The following CAPZA2 variants were observed in gnomAD, a reference collection of about 807,000 sequenced individuals.
CAPZA2 encodes the protein F-actin-capping protein subunit alpha-2.
Under a neutral mutation model 44.0 loss-of-function variants are expected in CAPZA2, and 13 were observed. The observed-to-expected ratio is 0.30, with a 90% CI of 0.19 to 0.47. CAPZA2 has a LOEUF of 0.47. Ranked by LOEUF, CAPZA2 falls within the 20% of genes least tolerant of loss-of-function variation. The pLI, the probability that CAPZA2 is intolerant of heterozygous loss-of-function variation, is 1.00. For missense variants in CAPZA2, 244 were observed against 338.6 expected, an observed-to-expected ratio of 0.72 and a Z score of 2.19; for synonymous variants, 94 against 108.2, an observed-to-expected ratio of 0.87 and a Z score of 0.81.
intron 9 of CAPZA2, among the ~76,000 whole-genome samples, chr7:116,917,316 G>A (rs1369839762): frequency 6.6e-6 from 1 of 152,022 alleles, no homozygotes; most frequent in African/African-American, 2.4e-5. Context: ...GTGCAGTGGC[G>A]CGATCTCGCC....
At position 116,916,125 on chromosome 7, in the gene CAPZA2, A is replaced by G; in HGVS notation, c.720+3A>G. The G allele has an allele frequency of 6.5e-7, 1 of 1,535,448 alleles. No individual in the cohort carries two copies. On this transcript the variant is annotated splice_donor_region_variant and intron_variant, in intron 9 of 9. Transcript: ENST00000361183. ...AAGCTGCAGAAAATGAATACCAGGT[A>G]TGATTTTTTAAATATTATATAAGCT...
intron 1 of CAPZA2, among the ~76,000 whole-genome samples, chr7:116,887,704 G>A (rs1002606396): frequency 1.3e-5 from 2 of 152,176 alleles, no homozygotes; most frequent in Non-Finnish European, 2.9e-5. Flanking sequence ...ATGGCGGCAC[G>A]CGCCTGTAGT....
intron 1 of CAPZA2, among the ~76,000 whole-genome samples, chr7:116,886,457 T>G (rs1231387495): frequency 6.6e-6 from 1 of 152,224 alleles, no homozygotes; most frequent in African/African-American, 2.4e-5. Context: ...GTATCTGTGC[T>G]TAGATACATG....
intron 1 of CAPZA2, among the ~76,000 whole-genome samples, chr7:116,866,887 G>C (rs1290342236): frequency 6.6e-6 from 1 of 152,284 alleles, no homozygotes; most frequent in South Asian, 2.1e-4. Context: ...AGCTTGCCTA[G>C]AAGTAAATTT....
At chr7:116,866,162 A>C (rs1309054817) in intron 1 of CAPZA2, among the ~76,000 whole-genome samples, 6 of 151,668 alleles carry the variant, frequency 4.0e-5, no homozygotes, top group African/African-American at 1.5e-4. Context: ...AAAGCTCTTA[A>C]CTTGCTATAG....
chr7:116,874,522 A>C (rs905349395), intron 1 of CAPZA2: 1 of 152,262 alleles, frequency 6.6e-6, no homozygotes, highest in Non-Finnish European at 1.5e-5. Context: ...TGAGGGCATC[A>C]GTGTCTCTGT....
chr7:116,878,392 A>G (rs967929831), intron 1 of CAPZA2, among the ~76,000 whole-genome samples: 1 of 152,204 alleles, frequency 6.6e-6, no homozygotes, highest in Non-Finnish European at 1.5e-5. Context: ...TTTCTCTTTC[A>G]TAAATTAAGG....
intron 1 of CAPZA2, among the ~76,000 whole-genome samples, chr7:116,863,604 G>C (rs1245600531): frequency 6.6e-6 from 1 of 152,136 alleles, no homozygotes; most frequent in Non-Finnish European, 1.5e-5. Flanking sequence ...TCCCATTCCC[G>C]AGGGTGGTGG....
At chr7:116,902,883 AAAATT>A (rs1240496620) in intron 4 of CAPZA2, among the ~76,000 whole-genome samples, 2 of 152,152 alleles carry the variant, frequency 1.3e-5, no homozygotes, top group East Asian at 3.9e-4. Flanking sequence ...CTAATTTTAA[AAAATT>A]TTTTTGTAGA....
chr7:116,886,081 C>T (rs1166130460), intron 1 of CAPZA2: 1 of 154,592 alleles, frequency 6.5e-6, no homozygotes, highest in Non-Finnish European at 1.5e-5. Flanking sequence ...ATGTCAGATA[C>T]CAGATAGATA....
In CAPZA2 at chr7:116,862,596, T is replaced by A; in HGVS notation, c.-16T>A. ...CGCTGCCGCCGCCGCCGCCGCGGTT[T>A]GTCGCCAGAAGGAAGATGGCGGATC... On this transcript the variant is annotated 5_prime_UTR_variant, in exon 1 of 10. Transcript: ENST00000361183. 6.5e-7 allele frequency: 1 copy of A among 1,536,688 alleles called. No homozygotes were observed. The highest frequency in any genetic ancestry group is 8.8e-7 in the Non-Finnish European group (1 of 1,140,812).
intron 5 of CAPZA2, among the ~76,000 whole-genome samples, chr7:116,905,261 G>A (rs1232636491): frequency 1.3e-5 from 2 of 151,922 alleles, no homozygotes; most frequent in Non-Finnish European, 2.9e-5. Flanking sequence ...CCCCCAGTTT[G>A]TGCTTCAGTG....
intron 1 of CAPZA2, among the ~76,000 whole-genome samples, chr7:116,864,107 A>T (rs1237447791): frequency 6.6e-6 from 1 of 152,158 alleles, no homozygotes; most frequent in Non-Finnish European, 1.5e-5. Context: ...AAATAATCCT[A>T]TTTTATTTAG....
At chr7:116,895,750 A>G (rs1264658289) in intron 3 of CAPZA2, among the ~76,000 whole-genome samples, 1 of 152,006 alleles carries the variant, frequency 6.6e-6, no homozygotes, top group Non-Finnish European at 1.5e-5. Flanking sequence ...CATGTTGTAG[A>G]CATCTCTGGG....
chr7:116,917,037 A>T (rs1209390316), intron 9 of CAPZA2, among the ~76,000 whole-genome samples: 1 of 152,098 alleles, frequency 6.6e-6, no homozygotes, highest in Non-Finnish European at 1.5e-5. Context: ...TTTTTATATT[A>T]TTTATCAGCT....
intron 1 of CAPZA2, chr7:116,875,077 G>A (rs1256132734): frequency 6.6e-6 from 1 of 152,122 alleles, no homozygotes; most frequent in African/African-American, 2.4e-5. Context: ...GCAACAGAGT[G>A]AGACCCCATC....
chr7:116,911,011 A>G (rs77210054), intron 7 of CAPZA2, among the ~76,000 whole-genome samples: 1 of 150,762 alleles, frequency 6.6e-6, no homozygotes, highest in Non-Finnish European at 1.5e-5. Flanking sequence ...AAAAAAAAAA[A>G]AGCATACGTG....
intron 5 of CAPZA2, among the ~76,000 whole-genome samples, chr7:116,905,473 T>A (rs1791485031): frequency 6.6e-6 from 1 of 152,170 alleles, no homozygotes; most frequent in South Asian, 2.1e-4. Flanking sequence ...ACCTGCTTTC[T>A]CAATGTAATT....
At chr7:116,907,299 GC>G (rs1306893220) in intron 6 of CAPZA2, among the ~76,000 whole-genome samples, 2 of 152,266 alleles carry the variant, frequency 1.3e-5, no homozygotes, top group African/African-American at 4.8e-5. Context: ...GTGAATGTAT[GC>G]CTTAATGACT....
Sources: allele counts gnomAD v4.1 joint callset (sites outside exome capture counted in the v4.1 genomes callset), GRCh38; gene constraint gnomAD v4.1.1; transcripts MANE v1.5; gene names NCBI Gene and HGNC (gene_info 2026-07-23, HGNC 2026-07-21).